The following HECW2 variants were observed in gnomAD, a reference collection of about 807,000 sequenced individuals.
HECW2 encodes the protein E3 ubiquitin-protein ligase HECW2.
In HECW2, 61 loss-of-function variants were observed where a neutral mutation model predicts 175.2. The ratio of observed to expected loss-of-function variants is 0.35; its 90% CI spans 0.28 to 0.43. HECW2 has a LOEUF of 0.43. HECW2 is among the 20% of genes least tolerant of loss of function. The pLI is 1.00. For synonymous variants in HECW2, 671 were observed against 731.0 expected (o/e 0.92, Z 1.32); for missense variants, 1,524 against 2,000.5 (o/e 0.76, Z 4.54).
intron 1 of HECW2, among the ~76,000 whole-genome samples, chr2:196,524,703 C>A (rs1688567024): frequency 8.3e-6 from 1 of 120,068 alleles, no homozygotes; most frequent in Non-Finnish European, 1.6e-5. Flanking sequence ...TTTCAAAGAA[C>A]ATCTTTATTT....
intron 2 of HECW2, among the ~76,000 whole-genome samples, chr2:196,382,287 C>CT (rs1694229418): frequency 6.7e-6 from 1 of 150,290 alleles, no homozygotes; most frequent in Non-Finnish European, 1.5e-5. Flanking sequence ...TGTATAAAAA[C>CT]TTTGAAAGAA....
chr2:196,459,859 G>A (rs1394377216), intron 1 of HECW2, among the ~76,000 whole-genome samples: 1 of 151,932 alleles, frequency 6.6e-6, no homozygotes, highest in Non-Finnish European at 1.5e-5. Context: ...TCATGCTAAT[G>A]CCGCCATAGT....
At chr2:196,395,740 G>A (rs1694643403) in intron 2 of HECW2, among the ~76,000 whole-genome samples, 1 of 151,274 alleles carries the variant, frequency 6.6e-6, no homozygotes, top group Non-Finnish European at 1.5e-5. Context: ...ATAAATGTTA[G>A]TGAGGATGTG....
chr2:196,362,187 T>C (rs763352241), intron 2 of HECW2: 21 of 985,304 alleles, frequency 2.1e-5, no homozygotes, highest in Non-Finnish European at 2.4e-5. Context: ...TGAAAAAATG[T>C]ATCACATCCC....
chr2:196,356,114 G>A (rs1693356936), intron 2 of HECW2, among the ~76,000 whole-genome samples: 1 of 152,286 alleles, frequency 6.6e-6, no homozygotes, highest in Admixed American at 6.5e-5. Flanking sequence ...AGACAGGCAG[G>A]GGCCAGCTTC....
intron 19 of HECW2, among the ~76,000 whole-genome samples, chr2:196,248,034 G>A (rs1012654615): frequency 1.3e-5 from 2 of 152,150 alleles, no homozygotes; most frequent in Non-Finnish European, 1.5e-5. Flanking sequence ...CCATCTTCTG[G>A]AACATAGCTC....
At chr2:196,305,590 C>T (rs1437716974) in intron 13 of HECW2, among the ~76,000 whole-genome samples, 1 of 152,018 alleles carries the variant, frequency 6.6e-6, no homozygotes, top group Admixed American at 6.5e-5. Flanking sequence ...CCTTCAATTC[C>T]TTTAACAAGT....
intron 27 of HECW2, 80 bp downstream of exon 27, chr2:196,216,928 T>G (rs1045868900): frequency 2.2e-6 from 2 of 925,614 alleles, no homozygotes; most frequent in African/African-American, 3.5e-5. Context: ...TTATGGAGAA[T>G]AGTTAGCAGT....
In HECW2 at chr2:196,306,551, T is replaced by C; in HGVS notation, c.2751A>G (p.Leu917=). 6.2e-7 allele frequency: 1 copy of C among 1,613,096 alleles called. No homozygotes were observed. The highest frequency in any genetic ancestry group is 8.5e-7 in the Non-Finnish European group (1 of 1,179,538). The change falls in exon 13 of 29, where the codon TTA becomes TTG. Residue 917 remains leucine, a synonymous_variant. Transcript: ENST00000644978. ...STSRSRITLL[L]QSPPVKFLIS... is the part of the protein sequence containing the mutation. ...TGAGGAACTTCACGGGGGGAGACTG[T>C]AACAGCAACGTGATCCTGGATCTGG...
chr2:196,585,434 G>A (rs1690939645), intron 1 of HECW2, among the ~76,000 whole-genome samples: 1 of 152,146 alleles, frequency 6.6e-6, no homozygotes, highest in Non-Finnish European at 1.5e-5. Context: ...CCAAAGAGGG[G>A]AAAAAGGAAA....
At chr2:196,424,155 TTGA>T (rs1273257707) in intron 2 of HECW2, among the ~76,000 whole-genome samples, 2 of 152,042 alleles carry the variant, frequency 1.3e-5, no homozygotes, top group Admixed American at 6.6e-5. Flanking sequence ...CAGTGGTCTT[TTGA>T]TGATATTATT....
At chr2:196,486,647 A>G (rs1687019032) in intron 1 of HECW2, among the ~76,000 whole-genome samples, 1 of 152,170 alleles carries the variant, frequency 6.6e-6, no homozygotes, top group South Asian at 2.1e-4. Flanking sequence ...AAGCTCCCTT[A>G]ATTATTACTG....
At chr2:196,203,878 C>T (rs1288636079) in intron 28 of HECW2, among the ~76,000 whole-genome samples, 2 of 152,132 alleles carry the variant, frequency 1.3e-5, no homozygotes, top group Non-Finnish European at 2.9e-5. Context: ...ATTTCCTCTC[C>T]CCCTAGCCCC....
chr2:196,398,997 G>C (rs1271406089), intron 2 of HECW2, among the ~76,000 whole-genome samples: 1 of 152,052 alleles, frequency 6.6e-6, no homozygotes. Context: ...ACAAAAAATA[G>C]AGACAAAAGT....
At chr2:196,301,905 G>C (rs560228630) in intron 13 of HECW2, among the ~76,000 whole-genome samples, 1 of 152,020 alleles carries the variant, frequency 6.6e-6, no homozygotes, top group Non-Finnish European at 1.5e-5. Flanking sequence ...CCATGTGTCA[G>C]TTTTTGCTTT....
At chr2:196,468,177 T>A (rs1697039961) in intron 1 of HECW2, among the ~76,000 whole-genome samples, 1 of 152,200 alleles carries the variant, frequency 6.6e-6, no homozygotes, top group Admixed American at 6.5e-5. Context: ...GTATTTTTAG[T>A]AGAGATAGGG....
chr2:196,501,935 C>T (rs1440134302), intron 1 of HECW2, among the ~76,000 whole-genome samples: 1 of 152,126 alleles, frequency 6.6e-6, no homozygotes, highest in Non-Finnish European at 1.5e-5. Flanking sequence ...AAAAAAGACA[C>T]AGGATGAATC....
intron 1 of HECW2, among the ~76,000 whole-genome samples, chr2:196,439,524 T>A (rs1381056774): frequency 1.3e-5 from 2 of 152,156 alleles, no homozygotes; most frequent in Non-Finnish European, 2.9e-5. Context: ...AACTCAACCG[T>A]AGCTTTTATA....
intron 1 of HECW2, among the ~76,000 whole-genome samples, chr2:196,512,511 C>T (rs1194889619): frequency 6.6e-6 from 1 of 151,942 alleles, no homozygotes; most frequent in Admixed American, 6.6e-5. Flanking sequence ...CCCACCTCAG[C>T]TTTTCAAGCA....
Sources: allele counts gnomAD v4.1 joint callset (sites outside exome capture counted in the v4.1 genomes callset), GRCh38; gene constraint gnomAD v4.1.1; transcripts MANE v1.5; gene names NCBI Gene and HGNC (gene_info 2026-07-23, HGNC 2026-07-21).